The following SHLD2 variants were observed in gnomAD, a reference collection of about 807,000 sequenced individuals.
SHLD2 encodes shieldin complex subunit 2.
A neutral mutation model predicts 73.2 loss-of-function variants in SHLD2; 30 were observed. The ratio of observed to expected loss-of-function variants is 0.41; its 90% CI spans 0.31 to 0.56. The LOEUF (loss-of-function observed/expected upper bound fraction) is 0.56, where lower values mean the gene tolerates loss of function less well. Ranked by LOEUF, SHLD2 falls within the 20% of genes least tolerant of loss-of-function variation. The pLI, the probability that SHLD2 is intolerant of heterozygous loss-of-function variation, is 0.28. For missense variants in SHLD2, 745 were observed against 1,055.9 expected, an observed-to-expected ratio of 0.71 and a Z score of 4.08; for synonymous variants, 285 against 370.1, an observed-to-expected ratio of 0.77 and a Z score of 2.64.
At chr10:87,120,661 C>G (rs530333724) in intron 2 of SHLD2, among the ~76,000 whole-genome samples, 1 of 152,312 alleles carries the variant, frequency 6.6e-6, no homozygotes, top group East Asian at 1.9e-4. Flanking sequence ...TTTTCAAGTA[C>G]GTTCTTCTTT....
intron 2 of SHLD2, among the ~76,000 whole-genome samples, chr10:87,108,269 G>A (rs369294057): frequency 6.6e-6 from 1 of 152,240 alleles, no homozygotes; most frequent in South Asian, 2.1e-4. Context: ...GGCTGGTCTC[G>A]AACTCCGGAC....
intron 2 of SHLD2, among the ~76,000 whole-genome samples, chr10:87,131,354 A>C (rs1844414051): frequency 6.6e-6 from 1 of 152,198 alleles, no homozygotes; most frequent in South Asian, 2.1e-4. Flanking sequence ...ATACTCATTA[A>C]GCAGTCACTC....
chr10:87,164,386 G>A (rs999857002), intron 4 of SHLD2, among the ~76,000 whole-genome samples: 29 of 151,966 alleles, frequency 1.9e-4, no homozygotes, highest in African/African-American at 4.8e-4. Flanking sequence ...CCAAGTAGCC[G>A]GTACCATAGC....
chr10:87,167,428 A>AT (rs1248947540), intron 4 of SHLD2, among the ~76,000 whole-genome samples: 3 of 152,122 alleles, frequency 2.0e-5, no homozygotes, highest in Non-Finnish European at 4.4e-5. Context: ...TTTTGAGAAT[A>AT]TTGCAGTTGT....
intron 2 of SHLD2, among the ~76,000 whole-genome samples, chr10:87,125,718 CAA>C (rs889021826): frequency 2.0e-5 from 3 of 150,838 alleles, no homozygotes; most frequent in Non-Finnish European, 2.9e-5. Flanking sequence ...GCCTGGGTGA[CAA>C]GAGTGAAACT....
chr10:87,121,536 T>C (rs1232323993), intron 2 of SHLD2, among the ~76,000 whole-genome samples: 1 of 151,984 alleles, frequency 6.6e-6, no homozygotes, highest in African/African-American at 2.4e-5. Flanking sequence ...ATCTAGTTCA[T>C]TGTCTGGTTT....
Position 87,118,080 on chromosome 10 carries a change from C to T in SHLD2, c.-6+21091C>T, listed in dbSNP as rs1203336256. On this transcript the variant is annotated intron_variant, in intron 2 of 9. Coordinates refer to ENST00000298786, the MANE Select transcript of SHLD2 (RefSeq NM_001330112.2). ...CTAAGGCTCTGTTCTAAGGCTCCCA[C>T]GTGCATTATTGTTTCCAGTCTTTAC... Among the ~76,000 whole-genome samples the T allele has an allele frequency of 3.3e-5, 5 of 152,152 alleles. 1 individual carries two copies. The South Asian group carries it at 6.2e-4, about 19-fold the overall frequency.
At chr10:87,131,183 AT>A (rs200807445) in intron 2 of SHLD2, among the ~76,000 whole-genome samples, 4,442 of 150,494 alleles carry the variant, frequency 0.03, 214 homozygotes, top group African/African-American at 0.1. Flanking sequence ...CTTATTTCTA[AT>A]TTTTTTTTTG....
At chr10:87,113,722 A>G (rs1341834131) in intron 2 of SHLD2, among the ~76,000 whole-genome samples, 5 of 152,170 alleles carry the variant, frequency 3.3e-5, no homozygotes, top group Non-Finnish European at 5.9e-5. Context: ...AAAAAAAAGT[A>G]TAGGCCAAGT....
At chr10:87,154,276 C>G (rs1368460315) in intron 3 of SHLD2, 1 of 152,322 alleles carries the variant, frequency 6.6e-6, no homozygotes, top group South Asian at 2.1e-4. Context: ...GACACCTGAT[C>G]GGCTACAACT....
rs1226984482 is a variant in SHLD2 at position 87,096,938 on chromosome 10, A to G, written c.-57A>G. On this transcript the variant is annotated 5_prime_UTR_variant, in exon 2 of 10. Transcript: ENST00000298786. ...TATTTGCACTGTGTTTTTCAGTGAA[A>G]AATGTACTCTGACCTGAATCCTGAA... 6.6e-6 allele frequency: 1 copy of G among 152,200 alleles called. No homozygotes were observed. The highest frequency in any genetic ancestry group is 1.5e-5 in the Non-Finnish European group (1 of 68,038). The allele number at this position is 152,200 out of a possible 1,614,324, so 9.4% of individuals were successfully genotyped here. A position where few individuals can be genotyped will look rare whatever the true frequency, so the allele number is the denominator to read the frequency against.
intron 4 of SHLD2, among the ~76,000 whole-genome samples, chr10:87,163,601 T>C (rs1412652351): frequency 1.3e-5 from 2 of 150,956 alleles, no homozygotes; most frequent in Non-Finnish European, 2.9e-5. Context: ...GTTAGAAATA[T>C]GTTTCTCAAA....
chr10:87,145,073 T>G (rs1589552091), intron 2 of SHLD2, among the ~76,000 whole-genome samples: 1 of 149,324 alleles, frequency 6.7e-6, no homozygotes, highest in East Asian at 2.0e-4. Flanking sequence ...CCCGAGTAGC[T>G]GGGACTACAG....
At chr10:87,113,674 G>A (rs1185393545) in intron 2 of SHLD2, among the ~76,000 whole-genome samples, 1 of 152,136 alleles carries the variant, frequency 6.6e-6, no homozygotes, top group East Asian at 1.9e-4. Context: ...CTACTGAATT[G>A]TATACTTTGA....
At chr10:87,133,456 T>G (rs979820408) in intron 2 of SHLD2, among the ~76,000 whole-genome samples, 1 of 152,236 alleles carries the variant, frequency 6.6e-6, no homozygotes, top group Non-Finnish European at 1.5e-5. Flanking sequence ...TGTTTTCTAC[T>G]GCAGTCTAAT....
chr10:87,190,421 A>C (rs1451566685), intron 9 of SHLD2, 63 bp from the exon 10 acceptor site: 1 of 1,303,208 alleles, frequency 7.7e-7, no homozygotes, highest in South Asian at 1.2e-5. Flanking sequence ...GAAACCATTC[A>C]ATGTGTGTGC....
intron 4 of SHLD2, among the ~76,000 whole-genome samples, chr10:87,169,483 C>T (rs1847434255): frequency 1.3e-5 from 2 of 152,060 alleles, no homozygotes; most frequent in South Asian, 4.1e-4. Context: ...TATTAGCCAG[C>T]TTATTAAAAC....
intron 8 of SHLD2, among the ~76,000 whole-genome samples, chr10:87,183,575 A>G (rs1385521502): frequency 1.3e-5 from 2 of 152,138 alleles, no homozygotes; most frequent in East Asian, 3.8e-4. Flanking sequence ...TCGTTTTTCT[A>G]TTCTGTTTTA....
At chr10:87,157,963 A>G in intron 3 of SHLD2, 85 bp from the exon 4 acceptor site, 1 of 1,124,558 alleles carries the variant, frequency 8.9e-7, no homozygotes, top group South Asian at 1.5e-5. Flanking sequence ...TATGGGAGGC[A>G]TGCATAGTAT....
Sources: gnomAD v4.1 joint callset for allele counts (sites outside exome capture counted in the v4.1 genomes callset) on GRCh38, gnomAD v4.1.1 for gene constraint, MANE v1.5 for transcripts, NCBI Gene and HGNC (gene_info 2026-07-23, HGNC 2026-07-21) for gene names.